Variants in SASH1 observed in about 807,000 individuals in gnomAD.
SASH1 encodes SAM and SH3 domain-containing protein 1.
SASH1 carries 44 observed loss-of-function variants against 125.2 expected under a neutral mutation model. The observed-to-expected ratio is 0.35, with a 90% CI of 0.28 to 0.45. The LOEUF (loss-of-function observed/expected upper bound fraction) is 0.45. SASH1 is among the 20% of genes least tolerant of loss of function. The probability of loss-of-function intolerance (pLI) is 1.00; values close to 1 mark genes in which losing one functional copy is unlikely to be tolerated. For missense variants in SASH1, 1,426 were observed against 1,614.5 expected, an observed-to-expected ratio of 0.88 and a Z score of 2.00; for synonymous variants, 639 against 649.1, an observed-to-expected ratio of 0.98 and a Z score of 0.24.
At position 148,535,536 on chromosome 6, in the gene SASH1, G is replaced by T. The variant is rs114732113; in HGVS notation, c.2095+635G>T. On this transcript the variant is annotated intron_variant, in intron 16 of 19. Transcript: ENST00000367467. ...TTAAAGGAGGAGACGTCTCTCCGCA[G>T]TGAATATGTAGAGCAGAGAATTCCG... 5.7e-3 allele frequency among the ~76,000 whole-genome samples: 863 copies of T among 152,326 alleles called. 6 individuals carry two copies. The highest frequency in any genetic ancestry group is 0.02 in the African/African-American group (820 of 41,568).
At chr6:148,209,520 T>C in the SASH1 span, among the ~76,000 whole-genome samples, 2 of 152,224 alleles carry the variant, frequency 1.3e-5, no homozygotes, top group African/African-American at 2.4e-5. Flanking sequence ...ACATCTGTTC[T>C]TGAGTCCTGG....
At chr6:148,515,567 A>G (rs1234431518) in intron 9 of SASH1, among the ~76,000 whole-genome samples, 2 of 152,158 alleles carry the variant, frequency 1.3e-5, no homozygotes, top group Admixed American at 1.3e-4. Flanking sequence ...GGGGAGAGAA[A>G]TCAGCTTTGT....
upstream of SASH1, among the ~76,000 whole-genome samples, chr6:148,270,378 T>A (rs897122806): frequency 3.0e-5 from 3 of 98,864 alleles, no homozygotes; most frequent in Non-Finnish European, 2.2e-5. Flanking sequence ...TTTAATATTT[T>A]AAAATTTTTT....
intron 1 of SASH1, among the ~76,000 whole-genome samples, chr6:148,297,625 C>T (rs1779799087): frequency 6.6e-6 from 1 of 152,126 alleles, no homozygotes; most frequent in Admixed American, 6.6e-5. Context: ...GTCAGGAGTT[C>T]AAGACCAGCC....
intron 2 of SASH1, among the ~76,000 whole-genome samples, chr6:148,435,101 G>T (rs148671557): frequency 2.6e-3 from 389 of 152,240 alleles, no homozygotes; most frequent in African/African-American, 8.8e-3. Context: ...GGTGGCTCAT[G>T]CCTGTAATCC....
chr6:148,509,713 C>T (rs902798982), intron 8 of SASH1, among the ~76,000 whole-genome samples: 5 of 152,186 alleles, frequency 3.3e-5, no homozygotes, highest in Non-Finnish European at 5.9e-5. Flanking sequence ...TATCTGTTAC[C>T]GACCAGCAGT....
upstream of SASH1, among the ~76,000 whole-genome samples, chr6:148,341,754 C>T (rs1781335272): frequency 6.6e-6 from 1 of 151,496 alleles, no homozygotes; most frequent in Non-Finnish European, 1.5e-5. Flanking sequence ...AGGGCTCTCT[C>T]CCTGGGGCAT....
At chr6:148,258,095 T>C in the SASH1 span, among the ~76,000 whole-genome samples, 2 of 152,180 alleles carry the variant, frequency 1.3e-5, no homozygotes, top group Non-Finnish European at 2.9e-5. Context: ...TTCCCTTTTT[T>C]TTTTAAGAGA....
At chr6:148,454,991 T>C (rs1777269163) in intron 4 of SASH1, among the ~76,000 whole-genome samples, 1 of 152,208 alleles carries the variant, frequency 6.6e-6, no homozygotes, top group South Asian at 2.1e-4. Context: ...TTGCCACTTG[T>C]TTTATCGTAT....
intron 2 of SASH1, among the ~76,000 whole-genome samples, chr6:148,416,872 A>G (rs1177567073): frequency 2.0e-5 from 3 of 152,214 alleles, no homozygotes; most frequent in African/African-American, 7.2e-5. Flanking sequence ...ATTTAGACCC[A>G]GCCATTGAGG....
At chr6:148,255,090 T>G in the SASH1 span, among the ~76,000 whole-genome samples, 3 of 152,144 alleles carry the variant, frequency 2.0e-5, no homozygotes, top group Non-Finnish European at 4.4e-5. Context: ...ATGTGCTAAG[T>G]GAAAGACGCC....
chr6:148,476,800 C>A (rs1430270945), intron 7 of SASH1, among the ~76,000 whole-genome samples: 1 of 152,188 alleles, frequency 6.6e-6, no homozygotes, highest in Admixed American at 6.5e-5. Context: ...ATAACATTAA[C>A]TGACTTCAAA....
chr6:148,548,299 C>T lies in SASH1; in HGVS notation c.3485C>T (p.Pro1162Leu). 1 of 1,608,454 alleles carries T rather than the reference C, an allele frequency of 6.2e-7. No homozygotes were observed. ...ATTCTTTCTTAATTTATCCAGATTC[C>T]AAGTGGTGGACTCACGGAAATCTGC... ...QLRKQHRMAI[P>L]SGGLTEICRK... Residue 1162 changes from proline to leucine, a missense_variant, in exon 20 of 20, where the codon CCA becomes CTA. Around this residue, in one of 3 missense-constraint regions of SASH1, gnomAD observed 634 missense variants for 694.4 expected, o/e 0.91. Transcript: ENST00000367467.
chr6:148,229,907 T>G, the SASH1 span, among the ~76,000 whole-genome samples: 1 of 152,106 alleles, frequency 6.6e-6, no homozygotes, highest in Non-Finnish European at 1.5e-5. Context: ...AGACGGGGTT[T>G]CGCCATGTTA....
At chr6:148,404,719 C>T (rs1583098251) in intron 2 of SASH1, among the ~76,000 whole-genome samples, 2 of 116,542 alleles carry the variant, frequency 1.7e-5, no homozygotes, top group Admixed American at 1.8e-4. Context: ...AGCCCAGCCT[C>T]CTGCCCCAGC....
the SASH1 span, among the ~76,000 whole-genome samples, chr6:148,266,778 A>ATT: frequency 9.2e-5 from 13 of 141,982 alleles, no homozygotes; most frequent in African/African-American, 1.3e-4. Context: ...TTTTTTTTTA[A>ATT]TTTTTTTTTT....
At chr6:148,299,524 G>A (rs1322414219) in intron 1 of SASH1, among the ~76,000 whole-genome samples, 3 of 151,732 alleles carry the variant, frequency 2.0e-5, no homozygotes, top group East Asian at 1.9e-4. Context: ...AAAATTAGCC[G>A]GGCATAGTGG....
intron 2 of SASH1, among the ~76,000 whole-genome samples, chr6:148,411,993 T>C (rs1784649064): frequency 6.6e-6 from 1 of 152,286 alleles, no homozygotes; most frequent in African/African-American, 2.4e-5. Flanking sequence ...TTTCAAATAC[T>C]GAATCTCCGT....
chr6:148,418,134 A>G (rs140785396), intron 2 of SASH1, among the ~76,000 whole-genome samples: 6 of 152,336 alleles, frequency 3.9e-5, no homozygotes, highest in Middle Eastern at 3.4e-3. Flanking sequence ...GGTGTTTGAC[A>G]TTGTTCTTTC....
Sources: gnomAD v4.1 joint callset for allele counts (sites outside exome capture counted in the v4.1 genomes callset) on GRCh38, gnomAD v4.1.1 for gene constraint, gnomAD v4.1.1 regional missense constraint, MANE v1.5 for transcripts, NCBI Gene and HGNC (gene_info 2026-07-23, HGNC 2026-07-21) for gene names.